HBS1L: variants seen among roughly 807,000 people sequenced by gnomAD.
HBS1L encodes the protein HBS1 like translational GTPase.
In HBS1L, 55 loss-of-function variants were observed where a neutral mutation model predicts 88.9. That is an observed-to-expected ratio of 0.62 (90% CI 0.50 to 0.77). The LOEUF is 0.77. Among genes scored for constraint, HBS1L ranks in the 30% least tolerant of loss-of-function variants. The pLI is 0.00. For missense variants in HBS1L, 741 were observed against 829.3 expected (o/e 0.89, Z 1.31); for synonymous variants, 267 against 288.5 (o/e 0.93, Z 0.76).
At chr6:134,998,452 T>C (rs1280498078) in intron 5 of HBS1L, among the ~76,000 whole-genome samples, 1 of 152,292 alleles carries the variant, frequency 6.6e-6, no homozygotes, top group South Asian at 2.1e-4. Flanking sequence ...TGTGACCTAA[T>C]AATCAGACTA....
At chr6:135,017,308 A>T (rs1044699384) in intron 4 of HBS1L, among the ~76,000 whole-genome samples, 1 of 152,176 alleles carries the variant, frequency 6.6e-6, no homozygotes, top group African/African-American at 2.4e-5. Flanking sequence ...GACATAAAAT[A>T]GGGTACTAGT....
intron 2 of HBS1L, among the ~76,000 whole-genome samples, chr6:135,048,415 A>G (rs1776978664): frequency 6.6e-6 from 1 of 152,152 alleles, no homozygotes; most frequent in Non-Finnish European, 1.5e-5. Flanking sequence ...CAGCTCTAAG[A>G]TTCAGGGACC....
intron 4 of HBS1L, chr6:135,037,238 C>G (rs926090612): frequency 6.4e-7 from 1 of 1,551,850 alleles, no homozygotes; most frequent in African/African-American, 1.4e-5. Flanking sequence ...AAACTTAGAT[C>G]TGTGAAACTG....
intron 4 of HBS1L, among the ~76,000 whole-genome samples, chr6:135,024,439 C>CAAAA (rs60663059): frequency 1.8e-4 from 12 of 66,448 alleles, no homozygotes; most frequent in Middle Eastern, 9.6e-3. Flanking sequence ...GACTTCGTCT[C>CAAAA]AAAAAAAAAA....
chr6:134,992,819 G>A (rs753337767), intron 8 of HBS1L, among the ~76,000 whole-genome samples: 5 of 152,136 alleles, frequency 3.3e-5, no homozygotes, highest in African/African-American at 4.8e-5. Context: ...TTAAATAAAT[G>A]TAGTGTCCCC....
At chr6:134,996,619 C>T (rs1775295259) in intron 7 of HBS1L, among the ~76,000 whole-genome samples, 158 bp downstream of exon 7, 1 of 152,046 alleles carries the variant, frequency 6.6e-6, no homozygotes, top group South Asian at 2.1e-4. Context: ...ATGCAGATTA[C>T]ATCAAAAAAG....
intron 4 of HBS1L, chr6:135,038,146 A>G: frequency 1.4e-6 from 1 of 721,082 alleles, no homozygotes; most frequent in Non-Finnish European, 2.2e-6. Flanking sequence ...TCTTTTGATT[A>G]TGACATGAAT....
chr6:134,993,372 T>C (rs1005799642), intron 8 of HBS1L, among the ~76,000 whole-genome samples: 1 of 152,184 alleles, frequency 6.6e-6, no homozygotes, highest in African/African-American at 2.4e-5. Context: ...CTTCATTATT[T>C]CTGCATAAAC....
intron 7 of HBS1L, among the ~76,000 whole-genome samples, chr6:134,996,421 T>C (rs954489985): frequency 6.6e-6 from 1 of 152,208 alleles, no homozygotes; most frequent in Non-Finnish European, 1.5e-5. Flanking sequence ...AAATTAAAAG[T>C]CTTACTCATA....
chr6:134,965,529 A>C (rs1174321692), intron 17 of HBS1L, among the ~76,000 whole-genome samples: 1 of 152,196 alleles, frequency 6.6e-6, no homozygotes, highest in African/African-American at 2.4e-5. Flanking sequence ...GAATGCCTTG[A>C]TAGATTAAAT....
intron 4 of HBS1L, among the ~76,000 whole-genome samples, chr6:135,011,585 T>TG (rs1775774782): frequency 6.6e-6 from 1 of 151,974 alleles, no homozygotes; most frequent in African/African-American, 2.4e-5. Context: ...GGAAAATATA[T>TG]GCAAGGGGTT....
chr6:135,024,912 G>A (rs1427377879), intron 4 of HBS1L, among the ~76,000 whole-genome samples: 2 of 151,980 alleles, frequency 1.3e-5, no homozygotes, highest in East Asian at 1.9e-4. Flanking sequence ...ATCTTCTTCC[G>A]GAATGCTTAG....
rs544332464 is a variant in HBS1L at position 134,978,866 on chromosome 6, C to T, written c.1689-79G>A. 5.9e-6 allele frequency: 5 copies of T among 847,862 alleles called. No individual in the cohort carries two copies. In the South Asian group the frequency reaches 6.3e-5, roughly 11 times the overall value. The allele number at this position is 847,862 out of a possible 1,614,324, so 52.5% of individuals were successfully genotyped here. A position where few individuals can be genotyped will look rare whatever the true frequency, so the allele number is the denominator to read the frequency against. On this transcript the variant is annotated intron_variant, in intron 14 of 17. Transcript: ENST00000367837. The stretch of plus-strand genomic sequence containing the variant: ...AATAGAAAGACCTCAAAAACATTTA[C>T]AAGGAAAGTAAAACAATTAAGTAAA...
chr6:134,976,358 A>G (rs1048602133), intron 15 of HBS1L, among the ~76,000 whole-genome samples: 2 of 152,182 alleles, frequency 1.3e-5, no homozygotes, highest in Non-Finnish European at 2.9e-5. Flanking sequence ...GAGATTTCTC[A>G]AAGAACGAAA....
At position 134,964,164 on chromosome 6, in the gene HBS1L, C is replaced by A. The variant is rs914920944; in HGVS notation, c.*1115G>T. 1 of 151,722 alleles carries A rather than the reference C, an allele frequency of 6.6e-6. No individual in the cohort carries two copies. The highest frequency in any genetic ancestry group is 1.5e-5 in the Non-Finnish European group (1 of 67,968). 9.4% of individuals were successfully genotyped at this position (151,722 alleles called of 1,614,324 possible). A position where few individuals can be genotyped will look rare whatever the true frequency, so the allele number is the denominator to read the frequency against. ...AATGCTGTTGTATATGTTAAGCCAT[C>A]GATATACAAATCACGCTGCTAATAA... On this transcript the variant is annotated 3_prime_UTR_variant, in exon 18 of 18. Coordinates refer to ENST00000367837, the MANE Select transcript of HBS1L (RefSeq NM_006620.4).
intron 4 of HBS1L, among the ~76,000 whole-genome samples, chr6:135,028,218 T>A (rs1447586135): frequency 6.8e-6 from 1 of 147,646 alleles, no homozygotes; most frequent in East Asian, 2.0e-4. Context: ...TAATTACAGA[T>A]CTTGGAACCA....
chr6:135,012,227 T>G (rs1775797132), intron 4 of HBS1L, among the ~76,000 whole-genome samples: 1 of 152,148 alleles, frequency 6.6e-6, no homozygotes, highest in Non-Finnish European at 1.5e-5. Context: ...GATATAGAAT[T>G]AGAAGACCTA....
chr6:134,990,972 T>C (rs915388073), intron 8 of HBS1L, among the ~76,000 whole-genome samples: 7 of 152,014 alleles, frequency 4.6e-5, no homozygotes, highest in African/African-American at 7.3e-5. Context: ...TTTGTAGGCA[T>C]TGCATTCCCA....
chr6:135,018,039 A>G lies in HBS1L; in HGVS notation c.431-15197T>C, dbSNP rs1279299985. Among the ~76,000 whole-genome samples, 3 of 152,100 alleles carry G rather than the reference A, an allele frequency of 2.0e-5. No individual in the cohort carries two copies. The East Asian group carries it at 5.8e-4, about 29-fold the overall frequency. On this transcript the variant is annotated intron_variant, in intron 4 of 17. Transcript: ENST00000367837. ...TCCAGGTACGTACACTTTTGCCATCAATTGCTATTTTTCCTATAAATGTTT... is the reference window on the plus strand; with the variant it reads ...TCCAGGTACGTACACTTTTGCCATCGATTGCTATTTTTCCTATAAATGTTT...
Sources: gnomAD v4.1 joint callset for allele counts (sites outside exome capture counted in the v4.1 genomes callset) on GRCh38, gnomAD v4.1.1 for gene constraint, MANE v1.5 for transcripts, NCBI Gene and HGNC (gene_info 2026-07-23, HGNC 2026-07-21) for gene names.